The following ABCD2 variants were observed in gnomAD, a reference collection of about 807,000 sequenced individuals.
The protein encoded by ABCD2 is ATP binding cassette subfamily D member 2, also known as ATP-binding cassette sub-family D member 2.
A neutral mutation model predicts 70.9 loss-of-function variants in ABCD2; 36 were observed. The ratio of observed to expected loss-of-function variants is 0.51; its 90% CI spans 0.39 to 0.67. ABCD2 has a LOEUF of 0.67. Ranked by LOEUF, ABCD2 falls within the 30% of genes least tolerant of loss-of-function variation. The pLI, the probability that ABCD2 is intolerant of heterozygous loss-of-function variation, is 0.00. For missense variants in ABCD2, 729 were observed against 890.2 expected (o/e 0.82, Z 2.30); for synonymous variants, 304 against 306.9 (o/e 0.99, Z 0.10).
At chr12:39,570,732 A>T (rs1941436011) in intron 9 of ABCD2, among the ~76,000 whole-genome samples, 1 of 152,200 alleles carries the variant, frequency 6.6e-6, no homozygotes, top group Admixed American at 6.5e-5. Context: ...CATAGGCAAC[A>T]AAAGTAAAAA....
At chr12:39,559,944 G>A (rs1941229620) in intron 9 of ABCD2, among the ~76,000 whole-genome samples, 1 of 152,046 alleles carries the variant, frequency 6.6e-6, no homozygotes, top group Admixed American at 6.6e-5. Context: ...AAAACTCACT[G>A]GTAAAAGCAA....
intron 2 of ABCD2, among the ~76,000 whole-genome samples, chr12:39,615,482 A>T (rs969292068): frequency 6.6e-6 from 1 of 152,000 alleles, no homozygotes; most frequent in Non-Finnish European, 1.5e-5. Context: ...ACTATTACTA[A>T]CAATACCTTT....
chr12:39,596,797 T>G (rs549081246), intron 6 of ABCD2, among the ~76,000 whole-genome samples: 3 of 152,270 alleles, frequency 2.0e-5, no homozygotes, highest in East Asian at 3.9e-4. Flanking sequence ...ACATGATGGG[T>G]TGGTGCCCAG....
intron 2 of ABCD2, among the ~76,000 whole-genome samples, chr12:39,611,740 A>G (rs1301515831): frequency 1.3e-5 from 2 of 152,058 alleles, no homozygotes; most frequent in Non-Finnish European, 2.9e-5. Flanking sequence ...ATTAGACACC[A>G]TTAAGAGAGT....
At chr12:39,591,154 A>G (rs1941740800) in intron 6 of ABCD2, among the ~76,000 whole-genome samples, 1 of 152,206 alleles carries the variant, frequency 6.6e-6, no homozygotes, top group Admixed American at 6.5e-5. Context: ...TCTGAAAGGC[A>G]TAAAATTTAA....
rs112539648 is a variant in ABCD2 at position 39,556,426 on chromosome 12, G to C, written c.2004-2295C>G. Among the ~76,000 whole-genome samples the C allele has an allele frequency of 2.0e-3, 309 of 152,170 alleles. 3 individuals carry two copies. The highest frequency in any genetic ancestry group is 6.7e-3 in the African/African-American group (278 of 41,524). ...ATGCTGTTCTCATAATAATGAGTGAGTTTTCATGAGATCTGGTGGTTTTAT... is the reference window on the plus strand; with the variant it reads ...ATGCTGTTCTCATAATAATGAGTGACTTTTCATGAGATCTGGTGGTTTTAT... On this transcript the variant is annotated intron_variant, in intron 9 of 9. Coordinates refer to ENST00000308666, the MANE Select transcript of ABCD2 (RefSeq NM_005164.4).
chr12:39,608,545 G>A (rs932183593), intron 2 of ABCD2, among the ~76,000 whole-genome samples: 4 of 151,770 alleles, frequency 2.6e-5, no homozygotes, highest in South Asian at 2.1e-4. Context: ...AAGATTAGCC[G>A]GGCATGATGG....
chr12:39,615,734 T>G (rs1942106724), intron 2 of ABCD2, among the ~76,000 whole-genome samples: 1 of 152,118 alleles, frequency 6.6e-6, no homozygotes, highest in South Asian at 2.1e-4. Flanking sequence ...AAGGACTGGT[T>G]AAAACATTGA....
Position 39,618,646 on chromosome 12 carries a change from A to T in ABCD2, c.939+31T>A, listed in dbSNP as rs370294466. On this transcript the variant is annotated intron_variant, in intron 1 of 9. Transcript: ENST00000308666. ...GCAGTGGCAACTTGAACAGTTTCACATTTCACCCATCACCTTAATTTCTAT... is the reference window on the plus strand; with the variant it reads ...GCAGTGGCAACTTGAACAGTTTCACTTTTCACCCATCACCTTAATTTCTAT... 6.7e-5 allele frequency: 105 copies of T among 1,578,348 alleles called. No homozygotes were observed. The African/African-American group carries it at 1.2e-3, about 19-fold the overall frequency.
downstream of ABCD2, among the ~76,000 whole-genome samples, chr12:39,548,739 AACTG>A (rs1239368047): frequency 3.3e-5 from 5 of 151,864 alleles, no homozygotes; most frequent in African/African-American, 9.6e-5. Context: ...ATATGGATTA[AACTG>A]ACTAAAATTA....
intron 3 of ABCD2, among the ~76,000 whole-genome samples, chr12:39,606,409 C>T (rs999424969): frequency 2.0e-5 from 3 of 152,068 alleles, no homozygotes; most frequent in Non-Finnish European, 4.4e-5. Context: ...AAAGTAAATT[C>T]AGGCAAAAAT....
At chr12:39,600,434 A>C (rs1941880806) in intron 6 of ABCD2, 137 bp downstream of exon 6, 1 of 842,442 alleles carries the variant, frequency 1.2e-6, no homozygotes. Context: ...ATTTTGGGCT[A>C]AGTGAATTTT....
the ABCD2 span, among the ~76,000 whole-genome samples, chr12:39,542,388 G>A: frequency 4.6e-5 from 7 of 151,362 alleles, no homozygotes; most frequent in Non-Finnish European, 8.8e-5. Flanking sequence ...GCTTGAACCC[G>A]AGAGGTGGAG....
the ABCD2 span, among the ~76,000 whole-genome samples, chr12:39,538,220 A>AGT: frequency 7.2e-6 from 1 of 139,548 alleles, no homozygotes; most frequent in African/African-American, 2.8e-5. Flanking sequence ...CCCAGGCTGG[A>AGT]GTGCAGTGGA....
chr12:39,580,496 G>T (rs1591980786), intron 7 of ABCD2, among the ~76,000 whole-genome samples: 1 of 152,140 alleles, frequency 6.6e-6, no homozygotes, highest in East Asian at 1.9e-4. Flanking sequence ...TATCATCATT[G>T]TCTTTCTGTA....
At chr12:39,560,258 GTGT>G (rs1225578917) in intron 9 of ABCD2, among the ~76,000 whole-genome samples, 1 of 152,128 alleles carries the variant, frequency 6.6e-6, no homozygotes, top group African/African-American at 2.4e-5. Context: ...AGAACATGTG[GTGT>G]TTGGTTTTTT....
intron 3 of ABCD2, among the ~76,000 whole-genome samples, chr12:39,606,081 A>G (rs549157401): frequency 6.6e-6 from 1 of 152,346 alleles, no homozygotes; most frequent in Admixed American, 6.5e-5. Context: ...TAGGGATTCA[A>G]GTGAAACCTG....
In ABCD2 at chr12:39,561,233, T is replaced by TA. The variant is rs34293209; in HGVS notation, c.2004-7103dup. Among the ~76,000 whole-genome samples the TA allele has an allele frequency of 7.6e-3, 1,111 of 145,842 alleles. 7 individuals carry two copies. The highest frequency in any genetic ancestry group is 0.024 in the South Asian group (113 of 4,620). ...CAACATGGTGAAACCCCGTCTCTAC[T>TA]AAAAAAAAAAATAGCTGGGTTTTGT... On this transcript the variant is annotated intron_variant, in intron 9 of 9. Transcript: ENST00000308666.
At chr12:39,603,515 G>A (rs1941928946) in intron 5 of ABCD2, among the ~76,000 whole-genome samples, 1 of 151,838 alleles carries the variant, frequency 6.6e-6, no homozygotes, top group Non-Finnish European at 1.5e-5. Flanking sequence ...GTCACATAAT[G>A]TATATTGACA....
Sources: gnomAD v4.1 joint callset for allele counts (sites outside exome capture counted in the v4.1 genomes callset) on GRCh38, gnomAD v4.1.1 for gene constraint, MANE v1.5 for transcripts, NCBI Gene and HGNC (gene_info 2026-07-23, HGNC 2026-07-21) for gene names.